LRP8: variants seen among roughly 807,000 people sequenced by gnomAD.
LRP8 encodes low-density lipoprotein receptor-related protein 8.
Under a neutral mutation model 111.6 loss-of-function variants are expected in LRP8, and 46 were observed. The observed-to-expected ratio is 0.41, with a 90% CI of 0.33 to 0.53. The LOEUF is 0.53. Among genes scored for constraint, LRP8 ranks in the 20% least tolerant of loss-of-function variants. The probability of loss-of-function intolerance (pLI) is 0.20; values close to 1 mark genes in which losing one functional copy is unlikely to be tolerated. For synonymous variants in LRP8, 464 were observed against 511.2 expected (o/e 0.91, Z 1.24); for missense variants, 959 against 1,297.4 (o/e 0.74, Z 4.01).
intron 2 of LRP8, among the ~76,000 whole-genome samples, chr1:53,314,093 T>C (rs2100530977): frequency 6.6e-6 from 1 of 152,298 alleles, no homozygotes; most frequent in South Asian, 2.1e-4. Flanking sequence ...CCCAGGTTCC[T>C]GCCCAAGGCC....
intron 2 of LRP8, among the ~76,000 whole-genome samples, chr1:53,311,623 C>T (rs1012552120): frequency 1.3e-5 from 2 of 150,548 alleles, no homozygotes; most frequent in Non-Finnish European, 2.9e-5. Context: ...GCTCCCCAGC[C>T]CACCCCATCT....
At chr1:53,255,724 G>A (rs899739250) in intron 15 of LRP8, among the ~76,000 whole-genome samples, 1 of 152,074 alleles carries the variant, frequency 6.6e-6, no homozygotes, top group Admixed American at 6.6e-5. Context: ...CAGACTTCTG[G>A]GTTCAAGTCC....
intron 2 of LRP8, among the ~76,000 whole-genome samples, chr1:53,300,199 A>C (rs1172177660): frequency 6.6e-6 from 1 of 152,166 alleles, no homozygotes; most frequent in East Asian, 1.9e-4. Flanking sequence ...GTAACCACTC[A>C]ATGGTTATGG....
rs953004993 is a variant in LRP8 at position 53,260,386 on chromosome 1, A to C, written c.2056+78T>G. The C allele has an allele frequency of 2.1e-6, 3 of 1,448,090 alleles. No individual in the cohort carries two copies. The African/African-American group carries it at 4.2e-5, about 20-fold the overall frequency. The allele number at this position is 1,448,090 out of a possible 1,614,324, so 89.7% of individuals were successfully genotyped here. On this transcript the variant is annotated intron_variant, in intron 13 of 18. Coordinates refer to ENST00000306052, the MANE Select transcript of LRP8 (RefSeq NM_004631.5). Reference sequence around the variant, plus strand: ...TTGCTGAGTTGTGACCTGAATGTGAACACAGCCTGCCTGGTGAAAGGAGAG... The same window carrying C: ...TTGCTGAGTTGTGACCTGAATGTGACCACAGCCTGCCTGGTGAAAGGAGAG...
chr1:53,261,239 C>G (rs2100374761), intron 12 of LRP8, among the ~76,000 whole-genome samples: 1 of 152,340 alleles, frequency 6.6e-6, no homozygotes, highest in Non-Finnish European at 1.5e-5. Flanking sequence ...TATTCTGATG[C>G]ATTTATATTT....
In LRP8 at chr1:53,277,014, G is replaced by A; in HGVS notation, c.561C>T (p.Asp187=). 6.6e-7 allele frequency: 1 copy of A among 1,519,286 alleles called. No individual in the cohort carries two copies. Among genetic ancestry groups the A allele is most frequent in the South Asian group, 1.2e-5 (1 of 83,678 alleles). 94.1% of individuals were successfully genotyped at this position (1,519,286 alleles called of 1,614,324 possible). The change falls in exon 5 of 19, where the codon GAC becomes GAT. Residue 187 remains aspartate (D), a synonymous_variant. Coordinates refer to ENST00000306052, the MANE Select transcript of LRP8 (RefSeq NM_004631.5). ...TGCCGTCACCACAGTCGTCGTCGCC[G>A]TCGCACACGAACACGGCGGCCAGGC... ...RSCLAAVFVC[D]GDDDCGDGSD...
rs145227349 is a variant in LRP8 at position 53,325,701 on chromosome 1, A to C, written c.244+1172T>G. Among the ~76,000 whole-genome samples the C allele has an allele frequency of 2.1e-3, 319 of 152,354 alleles. 1 individual carries two copies. Among genetic ancestry groups the C allele is most frequent in the African/African-American group, 7.1e-3 (294 of 41,590 alleles). On this transcript the variant is annotated intron_variant, in intron 2 of 18. Transcript: ENST00000306052. Reference sequence around the variant, plus strand: ...GATTCAACAGAGAGGGTGCCTGTCCAAGTGTCCCGTGACCCTTCCTGTGCA... The same window carrying C: ...GATTCAACAGAGAGGGTGCCTGTCCCAGTGTCCCGTGACCCTTCCTGTGCA...
chr1:53,270,955 T>G, intron 8 of LRP8, 73 bp downstream of exon 8: 1 of 1,609,278 alleles, frequency 6.2e-7, no homozygotes, highest in Non-Finnish European at 8.5e-7. Flanking sequence ...ACACGCCCAC[T>G]CCTCACAAGT....
At chr1:53,267,809 C>T (rs903522991) in intron 8 of LRP8, 1 of 152,202 alleles carries the variant, frequency 6.6e-6, no homozygotes, top group African/African-American at 2.4e-5. Flanking sequence ...GCACCAGCTC[C>T]CACAGGCTGT....
At chr1:53,297,464 C>T (rs950797799) in intron 2 of LRP8, among the ~76,000 whole-genome samples, 18 of 152,180 alleles carry the variant, frequency 1.2e-4, no homozygotes, top group Admixed American at 4.6e-4. Context: ...GGGCGGGACT[C>T]GGTGCGTGGC....
At chr1:53,304,293 A>T (rs886541327) in intron 2 of LRP8, among the ~76,000 whole-genome samples, 5 of 152,130 alleles carry the variant, frequency 3.3e-5, no homozygotes, top group Non-Finnish European at 7.3e-5. Context: ...AATGAGGGAA[A>T]ATTCCCCGTT....
At chr1:53,300,334 C>T (rs1240457771) in intron 2 of LRP8, among the ~76,000 whole-genome samples, 2 of 152,206 alleles carry the variant, frequency 1.3e-5, no homozygotes, top group Admixed American at 6.5e-5. Flanking sequence ...ATCAGCTGTT[C>T]ATGGTGTCTG....
At chr1:53,313,285 C>T (rs1341369454) in intron 2 of LRP8, among the ~76,000 whole-genome samples, 14 of 152,318 alleles carry the variant, frequency 9.2e-5, no homozygotes, top group Middle Eastern at 3.4e-3. Flanking sequence ...GGAGCTGGGA[C>T]CCAAAGGCTC....
In LRP8 at chr1:53,294,658, G is replaced by A. The variant is rs576313031; in HGVS notation, c.245-4969C>T. 9.2e-5 allele frequency among the ~76,000 whole-genome samples: 14 copies of A among 152,324 alleles called. 1 individual carries two copies. The highest frequency in any genetic ancestry group is 3.1e-4 in the African/African-American group (13 of 41,584). ...CCAGCTGCCGTGTGTGTAACACTGG[G>A]CCCATCCGTCAAACCTTCTGAGCTT... is the stretch of plus-strand genomic sequence containing the variant. On this transcript the variant is annotated intron_variant, in intron 2 of 18. Transcript: ENST00000306052. The surrounding 1 kb of genome is among the most constrained non-coding windows in gnomAD (Gnocchi z 4.1).
rs577964582 is a variant in LRP8, at chr1:53,242,719, C to T, written c.*4299G>A. 1 of 151,852 alleles carries T rather than the reference C, an allele frequency of 6.6e-6. No homozygotes were observed. Among genetic ancestry groups the T allele is most frequent in the African/African-American group, 2.4e-5 (1 of 41,388 alleles). The allele number at this position is 151,852 out of a possible 1,614,324, so 9.4% of individuals were successfully genotyped here. On this transcript the variant is annotated 3_prime_UTR_variant, in exon 19 of 19. Coordinates refer to ENST00000306052, the MANE Select transcript of LRP8 (RefSeq NM_004631.5). ...AGTTTGCAAATCAGCACTTTACCCC[C>T]AAATTAACAACAGCTTGTATGGAAA... is the stretch of plus-strand genomic sequence containing the variant.
chr1:53,264,909 C>T (rs1646494656), intron 9 of LRP8, among the ~76,000 whole-genome samples: 1 of 152,074 alleles, frequency 6.6e-6, no homozygotes, highest in African/African-American at 2.4e-5. Context: ...AGGCAGGAAC[C>T]CCATCTTGAT....
chr1:53,254,458 C>T (rs886859398), intron 16 of LRP8, among the ~76,000 whole-genome samples: 2 of 152,002 alleles, frequency 1.3e-5, no homozygotes, highest in Non-Finnish European at 2.9e-5. Flanking sequence ...TCCCCCTCCC[C>T]CAGCCCAAGT....
At chr1:53,305,609 T>C (rs191958572) in intron 2 of LRP8, among the ~76,000 whole-genome samples, 1 of 152,202 alleles carries the variant, frequency 6.6e-6, no homozygotes, top group Non-Finnish European at 1.5e-5. Context: ...GGGCTCACAG[T>C]GCAGGCTACT....
At position 53,327,800 on chromosome 1, in the gene LRP8, AGCAGCGGATCAG is replaced by A; in HGVS notation, c.101_112del (p.Ala34_Leu38delinsVal). 6.6e-7 allele frequency: 1 copy of A among 1,512,424 alleles called. No homozygotes were observed. Among genetic ancestry groups the A allele is most frequent in the Non-Finnish European group, 8.8e-7 (1 of 1,136,358 alleles). The allele number at this position is 1,512,424 out of a possible 1,614,324, so 93.7% of individuals were successfully genotyped here. A position where few individuals can be genotyped will look rare whatever the true frequency, so the allele number is the denominator to read the frequency against. Reference sequence around the variant, plus strand: ...CCGGCTGCACGCACCTTGGCCGCCGAGCAGCGGATCAGCCGCTGCCGCCGCAAGATGCTGGAG... The same window carrying A: ...CCGGCTGCACGCACCTTGGCCGCCGACCGCTGCCGCCGCAAGATGCTGGAG... On this transcript the variant is annotated inframe_deletion, in exon 1 of 19. Coordinates refer to ENST00000306052, the MANE Select transcript of LRP8 (RefSeq NM_004631.5).
Sources: allele counts gnomAD v4.1 joint callset (sites outside exome capture counted in the v4.1 genomes callset), GRCh38; gene constraint gnomAD v4.1.1; non-coding constraint Gnocchi (gnomAD v3.1); transcripts MANE v1.5; gene names NCBI Gene and HGNC (gene_info 2026-07-23, HGNC 2026-07-21).